Variants in DPP6 observed in about 807,000 individuals in gnomAD.
DPP6 encodes dipeptidyl peptidase like 6.
A neutral mutation model predicts 122.6 loss-of-function variants in DPP6; 69 were observed. The observed-to-expected ratio is 0.56, with a 90% CI of 0.46 to 0.69. The LOEUF (loss-of-function observed/expected upper bound fraction) is 0.69, where lower values mean the gene tolerates loss of function less well. Among genes scored for constraint, DPP6 ranks in the 30% least tolerant of loss-of-function variants. The pLI is 0.00. For synonymous variants in DPP6, 418 were observed against 433.1 expected, an observed-to-expected ratio of 0.97 and a Z score of 0.43; for missense variants, 928 against 1,116.9, an observed-to-expected ratio of 0.83 and a Z score of 2.41.
intron 1 of DPP6, among the ~76,000 whole-genome samples, chr7:153,949,668 C>T (rs1027500302): frequency 2.6e-5 from 4 of 152,174 alleles, no homozygotes; most frequent in African/African-American, 7.2e-5. Flanking sequence ...ACTGTAACAC[C>T]CCAAACTGCA....
At chr7:153,831,411 T>C in the DPP6 span, among the ~76,000 whole-genome samples, 1 of 152,152 alleles carries the variant, frequency 6.6e-6, no homozygotes, top group African/African-American at 2.4e-5. Flanking sequence ...AATTGACACC[T>C]GACCTGAAGC....
chr7:154,429,167 C>T (rs954521237), intron 1 of DPP6, among the ~76,000 whole-genome samples: 1 of 126,834 alleles, frequency 7.9e-6, no homozygotes, highest in African/African-American at 3.1e-5. Context: ...TGAGCTTCTG[C>T]TTCTTAATCT....
chr7:153,874,267 CACACACACACACAG>C, the DPP6 span, among the ~76,000 whole-genome samples: 1 of 152,024 alleles, frequency 6.6e-6, no homozygotes, highest in South Asian at 2.1e-4. Context: ...CACACACACA[CACACACACACACAG>C]ACACACACAC....
intron 5 of DPP6, among the ~76,000 whole-genome samples, chr7:154,584,626 G>A (rs777594058): frequency 3.3e-5 from 5 of 152,238 alleles, no homozygotes; most frequent in Admixed American, 6.5e-5. Flanking sequence ...TCCTGGCAAT[G>A]AGCAGCTGCA....
At chr7:154,331,796 C>A (rs904702205) in intron 1 of DPP6, among the ~76,000 whole-genome samples, 4 of 152,104 alleles carry the variant, frequency 2.6e-5, no homozygotes, top group Non-Finnish European at 5.9e-5. Flanking sequence ...AAGAATACAG[C>A]CACTTTTTCA....
chr7:154,413,986 G>A (rs1308635597), intron 1 of DPP6, among the ~76,000 whole-genome samples: 1 of 152,146 alleles, frequency 6.6e-6, no homozygotes, highest in African/African-American at 2.4e-5. Flanking sequence ...AATAAGTGAA[G>A]CATGGAACCT....
intron 1 of DPP6, among the ~76,000 whole-genome samples, chr7:154,107,172 A>G (rs1806224818): frequency 6.6e-6 from 1 of 152,192 alleles, no homozygotes; most frequent in Non-Finnish European, 1.5e-5. Context: ...TGGCCAGGAT[A>G]TGGAAACATT....
chr7:154,888,859 G>A (rs1806375360), intron 23 of DPP6, among the ~76,000 whole-genome samples: 1 of 152,220 alleles, frequency 6.6e-6, no homozygotes, highest in South Asian at 2.1e-4. Context: ...AAGGCAAGGA[G>A]GAGCTGGTCA....
At chr7:154,060,436 G>C (rs1801613609) in intron 1 of DPP6, among the ~76,000 whole-genome samples, 1 of 137,572 alleles carries the variant, frequency 7.3e-6, no homozygotes, top group Non-Finnish European at 1.6e-5. Flanking sequence ...CGCGAGGCGG[G>C]GACTGCGAGC....
chr7:154,086,572 C>A (rs1804437260), intron 1 of DPP6, among the ~76,000 whole-genome samples: 1 of 150,858 alleles, frequency 6.6e-6, no homozygotes, highest in Non-Finnish European at 1.5e-5. Flanking sequence ...AGTTGCTAGG[C>A]ACAGTTCTGC....
intron 5 of DPP6, among the ~76,000 whole-genome samples, chr7:154,575,441 G>GTAT (rs1563879582): frequency 2.6e-5 from 1 of 37,954 alleles, no homozygotes; most frequent in Admixed American, 3.1e-4. Context: ...GTATGTGTGT[G>GTAT]GTGTGTGTAT....
intron 1 of DPP6, among the ~76,000 whole-genome samples, chr7:154,132,968 T>G (rs1026775121): frequency 6.6e-6 from 1 of 151,996 alleles, no homozygotes; most frequent in African/African-American, 2.4e-5. Context: ...GCTATCCTAC[T>G]TTGCCTTAAA....
At chr7:153,775,176 A>G in the DPP6 span, among the ~76,000 whole-genome samples, 1 of 145,116 alleles carries the variant, frequency 6.9e-6, no homozygotes, top group South Asian at 2.4e-4. Flanking sequence ...CAATCCAGCA[A>G]TATATAAAAA....
At chr7:153,954,365 G>T (rs1802358454) in intron 1 of DPP6, among the ~76,000 whole-genome samples, 1 of 152,196 alleles carries the variant, frequency 6.6e-6, no homozygotes, top group Non-Finnish European at 1.5e-5. Context: ...ACTAAATTTT[G>T]TGTGTGTCTA....
At chr7:153,857,080 A>T in the DPP6 span, among the ~76,000 whole-genome samples, 11 of 151,198 alleles carry the variant, frequency 7.3e-5, no homozygotes, top group East Asian at 2.0e-3. Flanking sequence ...ATCAATATGA[A>T]AGTAAAATGC....
intron 7 of DPP6, among the ~76,000 whole-genome samples, chr7:154,690,991 A>G (rs948811586): frequency 6.6e-6 from 1 of 152,184 alleles, no homozygotes; most frequent in African/African-American, 2.4e-5. Context: ...AACATTTCTC[A>G]GGTTATTGTT....
At chr7:154,598,115 T>C (rs1163917958) in intron 5 of DPP6, among the ~76,000 whole-genome samples, 3 of 152,064 alleles carry the variant, frequency 2.0e-5, no homozygotes, top group Non-Finnish European at 4.4e-5. Flanking sequence ...AAAGAGAAAA[T>C]TTGGTAATTG....
At chr7:153,997,474 T>C (rs1797496160) in intron 1 of DPP6, among the ~76,000 whole-genome samples, 2 of 152,202 alleles carry the variant, frequency 1.3e-5, no homozygotes, top group South Asian at 2.1e-4. Flanking sequence ...CCATGTTTTA[T>C]TGAGCACCTG....
At chr7:154,649,206 GT>G (rs1554423067) in intron 6 of DPP6, among the ~76,000 whole-genome samples, 1 of 152,186 alleles carries the variant, frequency 6.6e-6, no homozygotes, top group Non-Finnish European at 1.5e-5. Context: ...GTTGTGACAG[GT>G]GTCTGCATTC....
Sources: allele counts gnomAD v4.1 joint callset (sites outside exome capture counted in the v4.1 genomes callset), GRCh38; gene constraint gnomAD v4.1.1; transcripts MANE v1.5; gene names NCBI Gene and HGNC (gene_info 2026-07-23, HGNC 2026-07-21).